GRIK2: variants seen among roughly 807,000 people sequenced by gnomAD.
The protein encoded by GRIK2 is glutamate receptor ionotropic, kainate 2.
In GRIK2, 32 loss-of-function variants were observed where a neutral mutation model predicts 100.3. The ratio of observed to expected loss-of-function variants is 0.32; its 90% CI spans 0.24 to 0.43. The LOEUF is 0.43. Ranked by LOEUF, GRIK2 falls within the 20% of genes least tolerant of loss-of-function variation. The probability of loss-of-function intolerance (pLI) is 1.00; values close to 1 mark genes in which losing one functional copy is unlikely to be tolerated. For missense variants in GRIK2, 843 were observed against 1,114.9 expected (o/e 0.76, Z 3.47); for synonymous variants, 417 against 389.4 (o/e 1.07, Z -0.83).
chr6:101,675,831 G>A (rs1211666505), intron 4 of GRIK2, among the ~76,000 whole-genome samples: 1 of 151,916 alleles, frequency 6.6e-6, no homozygotes, highest in Non-Finnish European at 1.5e-5. Flanking sequence ...AAAATTGTTA[G>A]CATTATTTTT....
chr6:101,942,381 G>A (rs1385096585), intron 14 of GRIK2, among the ~76,000 whole-genome samples: 2 of 152,182 alleles, frequency 1.3e-5, no homozygotes, highest in Non-Finnish European at 2.9e-5. Flanking sequence ...ACATGTGGAA[G>A]CAACTTTGGA....
Position 101,955,503 on chromosome 6 carries a change from A to C in GRIK2, c.2085+26871A>C, listed in dbSNP as rs189061994. Among the ~76,000 whole-genome samples the C allele has an allele frequency of 8.1e-4, 123 of 151,748 alleles. 1 individual carries two copies. Among genetic ancestry groups the C allele is most frequent in the Middle Eastern group, 3.4e-3 (1 of 294 alleles). ...GAGTTCCCATATCTAAAAGAGAAACAAAAAAAAGCAGACAGGCATGGTGGA... is the reference window on the plus strand; with the variant it reads ...GAGTTCCCATATCTAAAAGAGAAACCAAAAAAAGCAGACAGGCATGGTGGA... On this transcript the variant is annotated intron_variant, in intron 14 of 16. Transcript: ENST00000369134.
chr6:101,870,224 A>G (rs1438633983), intron 11 of GRIK2, among the ~76,000 whole-genome samples: 3 of 151,906 alleles, frequency 2.0e-5, no homozygotes, highest in African/African-American at 7.3e-5. Context: ...GGCTTTCAAT[A>G]CATACATCAT....
At chr6:101,539,293 T>G (rs1387080693) in intron 2 of GRIK2, among the ~76,000 whole-genome samples, 3 of 151,750 alleles carry the variant, frequency 2.0e-5, no homozygotes, top group Non-Finnish European at 4.4e-5. Flanking sequence ...AACATAAATA[T>G]TTGGTGAAAA....
At chr6:101,795,204 G>A (rs1239456745) in intron 7 of GRIK2, among the ~76,000 whole-genome samples, 2 of 152,106 alleles carry the variant, frequency 1.3e-5, no homozygotes, top group African/African-American at 2.4e-5. Flanking sequence ...TTTCATAAGG[G>A]AAAATTTTTC....
intron 4 of GRIK2, among the ~76,000 whole-genome samples, chr6:101,669,976 G>A (rs1770306666): frequency 6.6e-6 from 1 of 152,138 alleles, no homozygotes; most frequent in South Asian, 2.1e-4. Flanking sequence ...AAGATTCTAA[G>A]CAACTCCTGG....
At chr6:101,397,680 T>C (rs1180911336) in intron 1 of GRIK2, among the ~76,000 whole-genome samples, 2 of 92,320 alleles carry the variant, frequency 2.2e-5, no homozygotes, top group Non-Finnish European at 3.8e-5. Context: ...TCTTGCTGTT[T>C]GGAGGAAAAA....
intron 2 of GRIK2, among the ~76,000 whole-genome samples, chr6:101,569,586 G>A (rs1777438391): frequency 6.6e-6 from 1 of 151,738 alleles, no homozygotes; most frequent in Non-Finnish European, 1.5e-5. Context: ...ATACATGTAC[G>A]AGGATCTAAT....
intron 14 of GRIK2, among the ~76,000 whole-genome samples, chr6:101,936,993 G>A (rs1029354349): frequency 6.6e-5 from 10 of 152,056 alleles, no homozygotes; most frequent in African/African-American, 1.2e-4. Context: ...GGTTTTTAGC[G>A]TATTTAAACT....
chr6:101,693,669 G>A (rs1772268680), intron 7 of GRIK2, among the ~76,000 whole-genome samples: 3 of 151,958 alleles, frequency 2.0e-5, no homozygotes, highest in East Asian at 3.9e-4. Context: ...AGTGATTTAG[G>A]CTTTTAGGGG....
At chr6:101,394,225 A>C (rs944401527) in intron 1 of GRIK2, among the ~76,000 whole-genome samples, 2 of 152,104 alleles carry the variant, frequency 1.3e-5, no homozygotes, top group African/African-American at 4.8e-5. Flanking sequence ...CGAACTCCCC[A>C]TCCCTCCTTC....
chr6:102,040,693 C>T lies in GRIK2; in HGVS notation c.2311+5127C>T, dbSNP rs568529909. ...ATAGAAATCAGTATGAGAAGAATGT[C>T]GTTCCCTGTTTTATTCACCATCCAT... On this transcript the variant is annotated intron_variant, in intron 15 of 16. Transcript: ENST00000369134. 1.4e-4 allele frequency among the ~76,000 whole-genome samples: 21 copies of T among 151,572 alleles called. No homozygotes were observed. In the South Asian group the frequency reaches 2.3e-3, roughly 16 times the overall value.
intron 11 of GRIK2, among the ~76,000 whole-genome samples, chr6:101,874,705 G>C (rs938161135): frequency 1.3e-5 from 2 of 150,718 alleles, no homozygotes; most frequent in South Asian, 2.1e-4. Flanking sequence ...CCATTTTCAC[G>C]ATATTGATTC....
At chr6:101,990,226 CA>C (rs1223410758) in intron 14 of GRIK2, among the ~76,000 whole-genome samples, 1 of 151,678 alleles carries the variant, frequency 6.6e-6, no homozygotes, top group African/African-American at 2.4e-5. Context: ...AGCCACTTTA[CA>C]GGCATTTTTT....
At chr6:101,881,381 G>A (rs1786231399) in intron 11 of GRIK2, among the ~76,000 whole-genome samples, 1 of 151,714 alleles carries the variant, frequency 6.6e-6, no homozygotes, top group South Asian at 2.1e-4. Context: ...ATCAGTAATA[G>A]CTAAATCAGA....
At chr6:101,739,912 A>G (rs1562347873) in intron 7 of GRIK2, among the ~76,000 whole-genome samples, 1 of 150,208 alleles carries the variant, frequency 6.7e-6, no homozygotes, top group African/African-American at 2.4e-5. Context: ...TGGAGCAGGG[A>G]TTTTTTTTTT....
intron 2 of GRIK2, among the ~76,000 whole-genome samples, chr6:101,463,118 T>A (rs915284528): frequency 6.6e-6 from 1 of 152,178 alleles, no homozygotes; most frequent in Non-Finnish European, 1.5e-5. Context: ...GAAATTTGAA[T>A]TAAGTGGAGC....
chr6:101,581,525 TCAATC>T (rs1199008420), intron 2 of GRIK2, among the ~76,000 whole-genome samples: 1 of 152,072 alleles, frequency 6.6e-6, no homozygotes, highest in East Asian at 1.9e-4. Flanking sequence ...ATTGCATCCT[TCAATC>T]CAATTAATAT....
At chr6:102,060,746 C>T (rs1009234969) in intron 16 of GRIK2, among the ~76,000 whole-genome samples, 1 of 150,528 alleles carries the variant, frequency 6.6e-6, no homozygotes, top group African/African-American at 2.4e-5. Context: ...TTTAGCTGAA[C>T]TTAATTTTAC....
Sources: gnomAD v4.1 joint callset for allele counts (sites outside exome capture counted in the v4.1 genomes callset) on GRCh38, gnomAD v4.1.1 for gene constraint, MANE v1.5 for transcripts, NCBI Gene and HGNC (gene_info 2026-07-23, HGNC 2026-07-21) for gene names.